Variants in ATG10 observed in about 807,000 individuals in gnomAD.
ATG10 encodes the protein ubiquitin-like-conjugating enzyme ATG10.
Under a neutral mutation model 32.1 loss-of-function variants are expected in ATG10, and 30 were observed. The ratio of observed to expected loss-of-function variants is 0.94; its 90% CI spans 0.70 to 1.27. ATG10 has a LOEUF of 1.27. ATG10 is among the 50% of genes most tolerant of loss of function. The probability of loss-of-function intolerance (pLI) is 0.00; values close to 1 mark genes in which losing one functional copy is unlikely to be tolerated. For missense variants in ATG10, 233 were observed against 262.3 expected, an observed-to-expected ratio of 0.89 and a Z score of 0.77; for synonymous variants, 87 against 91.5, an observed-to-expected ratio of 0.95 and a Z score of 0.28.
intron 4 of ATG10, among the ~76,000 whole-genome samples, chr5:82,166,618 C>CG (rs1311397980): frequency 8.5e-5 from 13 of 152,050 alleles, no homozygotes; most frequent in Admixed American, 1.3e-4. Context: ...TATTCCCCCC[C>CG]CAGTCTTTTT....
chr5:82,242,255 C>G (rs6452451), intron 5 of ATG10, among the ~76,000 whole-genome samples: 37,871 of 151,942 alleles, frequency 0.25, 6,579 homozygotes, highest in African/African-American at 0.5. Flanking sequence ...AATGTCTATT[C>G]TAAAAAGCAC....
intron 5 of ATG10, among the ~76,000 whole-genome samples, chr5:82,189,851 C>G: frequency 6.6e-6 from 1 of 152,172 alleles, no homozygotes; most frequent in East Asian, 1.9e-4. Context: ...TCTTGAACTC[C>G]TGACCTCAAA....
chr5:82,125,685 T>C (rs1766242014), intron 3 of ATG10, among the ~76,000 whole-genome samples: 1 of 152,166 alleles, frequency 6.6e-6, no homozygotes, highest in Non-Finnish European at 1.5e-5. Flanking sequence ...AGCCTTGTAG[T>C]ATAGTTTGAA....
In ATG10 at chr5:82,048,331, T is replaced by G. The variant is rs532606599; in HGVS notation, c.109-10164T>G. ...GGCAGTATGGCCATTTTCACGATAT[T>G]GATTCTTCCTACCCATGAGCATGGA... On this transcript the variant is annotated intron_variant, in intron 2 of 7. Coordinates refer to ENST00000282185, the MANE Select transcript of ATG10 (RefSeq NM_031482.5). 8.9e-5 allele frequency among the ~76,000 whole-genome samples: 13 copies of G among 146,564 alleles called. No individual in the cohort carries two copies. The East Asian group carries it at 2.5e-3, about 29-fold the overall frequency.
At chr5:81,994,851 T>A (rs1761614512) in intron 2 of ATG10, among the ~76,000 whole-genome samples, 1 of 152,188 alleles carries the variant, frequency 6.6e-6, no homozygotes, top group South Asian at 2.1e-4. Context: ...AATCACATGG[T>A]CAGTGCATGT....
intron 2 of ATG10, among the ~76,000 whole-genome samples, chr5:81,995,972 T>G (rs1761652595): frequency 6.6e-6 from 1 of 152,220 alleles, no homozygotes; most frequent in Non-Finnish European, 1.5e-5. Flanking sequence ...AATGGAGATT[T>G]TGATGCAGAT....
At chr5:82,132,092 C>A (rs543557363) in intron 3 of ATG10, among the ~76,000 whole-genome samples, 1 of 152,166 alleles carries the variant, frequency 6.6e-6, no homozygotes, top group South Asian at 2.1e-4. Flanking sequence ...CCAGGACCCA[C>A]CTCCAACATT....
At chr5:82,106,010 A>C (rs986122423) in intron 3 of ATG10, among the ~76,000 whole-genome samples, 1 of 152,134 alleles carries the variant, frequency 6.6e-6, no homozygotes, top group Non-Finnish European at 1.5e-5. Flanking sequence ...AGTAACTATA[A>C]TCAAATCAAA....
chr5:82,141,253 C>T (rs1389218102), intron 3 of ATG10, among the ~76,000 whole-genome samples: 2 of 151,294 alleles, frequency 1.3e-5, no homozygotes, highest in African/African-American at 4.9e-5. Context: ...AAAAGAAAGT[C>T]GAGTAGGATA....
At chr5:82,085,638 CAAAAA>C (rs907067835) in intron 3 of ATG10, among the ~76,000 whole-genome samples, 3 of 139,374 alleles carry the variant, frequency 2.2e-5, no homozygotes, top group African/African-American at 7.9e-5. Flanking sequence ...TAAAGTATAA[CAAAAA>C]AAAAAGAAAA....
At chr5:82,185,074 G>A (rs915405958) in intron 5 of ATG10, among the ~76,000 whole-genome samples, 3 of 152,176 alleles carry the variant, frequency 2.0e-5, no homozygotes, top group African/African-American at 7.2e-5. Context: ...CTATTGTGTT[G>A]TGTTATTTTG....
intron 2 of ATG10, among the ~76,000 whole-genome samples, chr5:82,038,262 T>C (rs1441690587): frequency 6.6e-6 from 1 of 152,250 alleles, no homozygotes; most frequent in Admixed American, 6.5e-5. Flanking sequence ...TAGAATCTTC[T>C]GAGGAGACTC....
chr5:82,106,723 A>T (rs1248277580), intron 3 of ATG10, among the ~76,000 whole-genome samples: 1 of 152,036 alleles, frequency 6.6e-6, no homozygotes, highest in East Asian at 1.9e-4. Flanking sequence ...GCTCTTATAC[A>T]CATTTATGCA....
chr5:81,975,763 GTTTTCT>G (rs111432726), intron 1 of ATG10, among the ~76,000 whole-genome samples: 5 of 151,582 alleles, frequency 3.3e-5, no homozygotes, highest in African/African-American at 9.7e-5. Flanking sequence ...TTACTATCTA[GTTTTCT>G]TTTTCTTTTT....
chr5:82,150,281 G>C (rs755681903), intron 3 of ATG10, among the ~76,000 whole-genome samples: 1 of 142,744 alleles, frequency 7.0e-6, no homozygotes, highest in Non-Finnish European at 1.5e-5. Context: ...GCAGGCTAAT[G>C]ATTCCAAAGA....
intron 3 of ATG10, among the ~76,000 whole-genome samples, chr5:82,090,078 A>C (rs200798520): frequency 3.1e-4 from 47 of 151,248 alleles, no homozygotes; most frequent in Non-Finnish European, 7.4e-5. Context: ...AAAAAAACCC[A>C]AAACCAAACC....
At chr5:82,222,862 A>G (rs1745982215) in intron 5 of ATG10, among the ~76,000 whole-genome samples, 1 of 152,216 alleles carries the variant, frequency 6.6e-6, no homozygotes, top group Non-Finnish European at 1.5e-5. Context: ...TCAGGTTTCA[A>G]AGAAAACAAG....
chr5:82,031,264 A>C lies in ATG10; in HGVS notation c.109-27231A>C, dbSNP rs1019870832. 4.6e-5 allele frequency among the ~76,000 whole-genome samples: 7 copies of C among 152,332 alleles called. No individual in the cohort carries two copies. In the East Asian group the frequency reaches 9.7e-4, roughly 21 times the overall value. On this transcript the variant is annotated intron_variant, in intron 2 of 7. Transcript: ENST00000282185. ...AAAATAGACTATTTTAGATATTCGA[A>C]GGACTGTGTTGAATGAGCAGTGTTG... is the stretch of plus-strand genomic sequence containing the variant.
chr5:82,175,320 C>T (rs1743970171), intron 4 of ATG10, among the ~76,000 whole-genome samples: 1 of 152,258 alleles, frequency 6.6e-6, no homozygotes, highest in South Asian at 2.1e-4. Context: ...TATATAGCCA[C>T]ATTTTTGTAA....
Sources: gnomAD v4.1 joint callset for allele counts (sites outside exome capture counted in the v4.1 genomes callset) on GRCh38, gnomAD v4.1.1 for gene constraint, MANE v1.5 for transcripts, NCBI Gene and HGNC (gene_info 2026-07-23, HGNC 2026-07-21) for gene names.